MRPS15: variants seen among roughly 807,000 people sequenced by gnomAD.
MRPS15 encodes small ribosomal subunit protein uS15m.
Under a neutral mutation model 30.7 loss-of-function variants are expected in MRPS15, and 25 were observed. The ratio of observed to expected loss-of-function variants is 0.81; its 90% confidence interval spans 0.59 to 1.14. The LOEUF is 1.14. Among genes scored for constraint, MRPS15 ranks in the 50% most tolerant of loss-of-function variants. The pLI is 0.00. For synonymous variants in MRPS15, 124 were observed against 120.1 expected (o/e 1.03, Z -0.21); for missense variants, 313 against 321.7 (o/e 0.97, Z 0.21).
chr1:36,456,257 T>C lies in MRPS15; in HGVS notation c.566A>G (p.Tyr189Cys), dbSNP rs1649992853. 6.2e-7 allele frequency: 1 copy of C among 1,614,008 alleles called. No individual in the cohort carries two copies. ...TCGGTAATACAGAGGGGGGAAGGTG[T>C]ACTCAATTCCCAGCCCCCAGCATAT... ...EKICWGLGIE[Y>C]TFPPLYYRRA... Residue 189 changes from tyrosine to cysteine, a missense_variant, in exon 7 of 8, where the codon TAC becomes TGC. Tyr to Cys is a radical substitution (Grantham distance 194). Coordinates refer to ENST00000373116, the MANE Select transcript of MRPS15 (RefSeq NM_031280.4).
At position 36,462,099 on chromosome 1, in the gene MRPS15, AG is replaced by A. The variant is rs1259665710; in HGVS notation, c.239del (p.Pro80LeufsTer10). 5 of 1,612,716 alleles carry A rather than the reference AG, an allele frequency of 3.1e-6. No homozygotes were observed. Among genetic ancestry groups the A allele is most frequent in the Non-Finnish European group, 4.2e-6 (5 of 1,179,194 alleles). ...TTCTTCCTGCTTACTTCTCAATTCC[AG>A]GGACATTCTGGTAGTCTTTGAGCAG... is the stretch of plus-strand genomic sequence containing the variant. Reference protein sequence around the residue: ...STLLKDYQNVPGIEKVDDVVK... With the variant: ...STLLKDYQNVXGIEKVDDVVK... On this transcript the variant is annotated frameshift_variant, in exon 3 of 8. Coordinates refer to ENST00000373116, the MANE Select transcript of MRPS15 (RefSeq NM_031280.4). LOFTEE classifies it high-confidence loss of function.
chr1:36,464,208 G>C lies in MRPS15; in HGVS notation c.68C>G (p.Pro23Arg). 8 of 1,614,054 alleles carry C rather than the reference G, an allele frequency of 5.0e-6. No homozygotes were observed. The highest frequency in any genetic ancestry group is 6.8e-6 in the Non-Finnish European group (8 of 1,179,996). The change falls in exon 1 of 8, where the codon CCC becomes CGC. Residue 23 changes from proline (P) to arginine (R), a missense_variant. Coordinates refer to ENST00000373116, the MANE Select transcript of MRPS15 (RefSeq NM_031280.4). The part of the protein sequence containing the change: ...RTRAVTQVLV[P>R]GLPGGGSAKF... ...GGCGCTCCCACCGCCCGGCAGCCCG[G>C]GTACTAGGACCTGGGTAACTGCCCG... is the stretch of plus-strand genomic sequence containing the variant.
chr1:36,462,126 CGTA>C lies in MRPS15; in HGVS notation c.210_212del (p.Thr71del). ...GGACATTCTGGTAGTCTTTGAGCAG[CGTA>C]GAGGGAGGTGGGTCATCATCCAGCC... On this transcript the variant is annotated inframe_deletion, in exon 3 of 8. Coordinates refer to ENST00000373116, the MANE Select transcript of MRPS15 (RefSeq NM_031280.4). 6.2e-7 allele frequency: 1 copy of C among 1,613,200 alleles called. No individual in the cohort carries two copies. Among genetic ancestry groups the C allele is most frequent in the Admixed American group, 1.7e-5 (1 of 59,984 alleles).
chr1:36,460,928 C>A (rs1650086717), intron 4 of MRPS15, 152 bp from the exon 5 acceptor site: 2 of 670,410 alleles, frequency 3.0e-6, no homozygotes, highest in Non-Finnish European at 5.2e-6. Flanking sequence ...CCTTGACCAA[C>A]CACATGGCTA....
intron 5 of MRPS15, among the ~76,000 whole-genome samples, chr1:36,460,489 C>G (rs1650073980): frequency 6.6e-6 from 1 of 152,180 alleles, no homozygotes. Flanking sequence ...CTTACCCAAG[C>G]TCACACAGTG....
chr1:36,462,025 C>G, intron 3 of MRPS15, 63 bp downstream of exon 3: 1 of 1,414,194 alleles, frequency 7.1e-7, no homozygotes, highest in Non-Finnish European at 9.9e-7. Context: ...CACTGTCTTT[C>G]CCCACTCCCC....
At chr1:36,463,269 A>G (rs1327639759) in intron 2 of MRPS15, among the ~76,000 whole-genome samples, 1 of 152,248 alleles carries the variant, frequency 6.6e-6, no homozygotes, top group African/African-American at 2.4e-5. Context: ...GTCCGGCCCC[A>G]GATAATAAAT....
At chr1:36,463,684 T>C (rs1650143945) in intron 2 of MRPS15, 122 bp downstream of exon 2, 1 of 1,176,992 alleles carries the variant, frequency 8.5e-7, no homozygotes, top group African/African-American at 1.6e-5. Flanking sequence ...GTGGGGTCTT[T>C]TGCTCAGGAC....
chr1:36,460,608 A>C (rs1650076133), intron 5 of MRPS15, 84 bp downstream of exon 5: 1 of 1,025,070 alleles, frequency 9.8e-7, no homozygotes, highest in African/African-American at 1.6e-5. Flanking sequence ...GCCCATGTGC[A>C]TGTGCTTGTA....
At position 36,462,300 on chromosome 1, in the gene MRPS15, C is replaced by A. The variant is rs551960388; in HGVS notation, c.176-137G>T. ...CTCAAGCAAAGCACTGGATATCTCT[C>A]GGCTCAGTTTCTCCTTTGCAAACTC... On this transcript the variant is annotated intron_variant, in intron 2 of 7. Transcript: ENST00000373116. 1.6e-5 allele frequency: 10 copies of A among 608,410 alleles called. No homozygotes were observed. In the African/African-American group the frequency reaches 1.7e-4, roughly 10 times the overall value. The allele number at this position is 608,410 out of a possible 1,614,324, so 37.7% of individuals were successfully genotyped here.
Position 36,456,026 on chromosome 1 carries a change from A to G in MRPS15, c.637-101T>C, listed in dbSNP as rs537526353. 3.0e-5 allele frequency: 45 copies of G among 1,519,936 alleles called. No homozygotes were observed. In the South Asian group the frequency reaches 5.5e-4, roughly 18 times the overall value. The allele number at this position is 1,519,936 out of a possible 1,614,324, so 94.2% of individuals were successfully genotyped here. On this transcript the variant is annotated intron_variant, in intron 7 of 7. Coordinates refer to ENST00000373116, the MANE Select transcript of MRPS15 (RefSeq NM_031280.4). ...ACTATTTCCCCCAGATGGTAACCCCAGCCTTTCTCCATGGGGTTGGTGGCC... is the reference window on the plus strand; with the variant it reads ...ACTATTTCCCCCAGATGGTAACCCCGGCCTTTCTCCATGGGGTTGGTGGCC...
chr1:36,460,731 C>T lies in MRPS15; in HGVS notation c.346G>A (p.Val116Ile), dbSNP rs200361898. The T allele has an allele frequency of 4.8e-5, 77 of 1,614,118 alleles. 1 individual carries two copies. The South Asian group carries it at 7.7e-4, about 16-fold the overall frequency. ...IKQEQFMKKIVANPEDTRSLE... is the reference protein window; with the variant it reads ...IKQEQFMKKIIANPEDTRSLE... ...GATCTGGTGTCCTCTGGGTTTGCAACAATCTTCTTCATAAACTGTTCTTGC... is the reference window on the plus strand; with the variant it reads ...GATCTGGTGTCCTCTGGGTTTGCAATAATCTTCTTCATAAACTGTTCTTGC... Residue 116 changes from valine (V) to isoleucine (I), a missense_variant, in exon 5 of 8, where the codon GTT becomes ATT. Coordinates refer to ENST00000373116, the MANE Select transcript of MRPS15 (RefSeq NM_031280.4).
At chr1:36,463,673 C>T in intron 2 of MRPS15, 133 bp downstream of exon 2, 1 of 1,006,928 alleles carries the variant, frequency 9.9e-7, no homozygotes, top group Non-Finnish European at 1.4e-6. Context: ...GTAAGGTGGA[C>T]GTGGGGTCTT....
chr1:36,459,289 G>A (rs1650051532), intron 5 of MRPS15: 1 of 151,788 alleles, frequency 6.6e-6, no homozygotes, highest in African/African-American at 2.4e-5. Flanking sequence ...AGCTACTTGG[G>A]AGCCTGAGGT....
At chr1:36,460,602 ATG>A in intron 5 of MRPS15, 88 bp downstream of exon 5, 1 of 970,014 alleles carries the variant, frequency 1.0e-6, no homozygotes, top group East Asian at 2.4e-5. Flanking sequence ...TCCCCAGCCC[ATG>A]TGCATGTGCT....
chr1:36,463,734 C>A, intron 2 of MRPS15, 72 bp downstream of exon 2: 3 of 1,539,968 alleles, frequency 1.9e-6, no homozygotes, highest in South Asian at 1.2e-5. Context: ...TTCGCCACAT[C>A]GGTCCCCTTA....
rs200205084 is a variant in MRPS15 at position 36,455,943 on chromosome 1, C to T, written c.637-18G>A. On this transcript the variant is annotated intron_variant, in intron 7 of 7. Transcript: ENST00000373116. ...TGGAAAACCTGGGGATGAAAAGGGG[C>T]AGAAAAAGACCTTGTAATCCTGTGC... 3.1e-6 allele frequency: 5 copies of T among 1,609,980 alleles called. No homozygotes were observed. The African/African-American group carries it at 4.0e-5, about 13-fold the overall frequency.
rs920213977 is a variant in MRPS15 at position 36,464,362 on chromosome 1, G to A, written c.-87C>T. 5 of 1,512,468 alleles carry A rather than the reference G, an allele frequency of 3.3e-6. No individual in the cohort carries two copies. Among genetic ancestry groups the A allele is most frequent in the African/African-American group, 1.4e-5 (1 of 71,472 alleles). 93.7% of individuals were successfully genotyped at this position (1,512,468 alleles called of 1,614,324 possible). On this transcript the variant is annotated 5_prime_UTR_variant, in exon 1 of 8. Transcript: ENST00000373116. Reference sequence around the variant, plus strand: ...GGGTTACATGGGCGCCGCCATGCTGGCCCAGGATCGACCAATCGAGGCAGT... The same window carrying A: ...GGGTTACATGGGCGCCGCCATGCTGACCCAGGATCGACCAATCGAGGCAGT...
intron 2 of MRPS15, among the ~76,000 whole-genome samples, chr1:36,463,097 G>A (rs1193129153): frequency 6.6e-6 from 1 of 151,880 alleles, no homozygotes; most frequent in Non-Finnish European, 1.5e-5. Context: ...TGAGTAGCTG[G>A]GATTACAGGC....
Sources: gnomAD v4.1 joint callset for allele counts (sites outside exome capture counted in the v4.1 genomes callset) on GRCh38, gnomAD v4.1.1 for gene constraint, MANE v1.5 for transcripts, NCBI Gene and HGNC (gene_info 2026-07-23, HGNC 2026-07-21) for gene names.